Variants in ADGRB1 observed in about 807,000 individuals in gnomAD.
ADGRB1 encodes the protein adhesion G protein-coupled receptor B1.
ADGRB1 carries 36 observed loss-of-function variants against 175.7 expected under a neutral mutation model. The ratio of observed to expected loss-of-function variants is 0.20; its 90% CI spans 0.16 to 0.27. The LOEUF (loss-of-function observed/expected upper bound fraction) is 0.27, where lower values mean the gene tolerates loss of function less well. Among genes scored for constraint, ADGRB1 ranks in the 10% least tolerant of loss-of-function variants. The probability of loss-of-function intolerance (pLI) is 1.00; values close to 1 mark genes in which losing one functional copy is unlikely to be tolerated. For synonymous variants in ADGRB1, 1,054 were observed against 979.4 expected, an observed-to-expected ratio of 1.08 and a Z score of -1.42; for missense variants, 1,731 against 2,255.3, an observed-to-expected ratio of 0.77 and a Z score of 4.71.
At chr8:142,494,614 G>T (rs983200264) in intron 17 of ADGRB1, among the ~76,000 whole-genome samples, 8 of 151,844 alleles carry the variant, frequency 5.3e-5, no homozygotes, top group Non-Finnish European at 1.2e-4. Flanking sequence ...TTGCACCCAT[G>T]GGCTCAACAC....
intron 11 of ADGRB1, among the ~76,000 whole-genome samples, chr8:142,482,071 GC>G (rs1841373206): frequency 6.8e-6 from 1 of 147,714 alleles, no homozygotes; most frequent in African/African-American, 2.5e-5. Flanking sequence ...CACATGCTGA[GC>G]CCCAACCCTG....
At chr8:142,538,173 C>T (rs1409886941) in intron 26 of ADGRB1, among the ~76,000 whole-genome samples, 3 of 152,348 alleles carry the variant, frequency 2.0e-5, no homozygotes, top group Admixed American at 2.0e-4. Context: ...ACTCTTGCCC[C>T]ATGGTGCCAC....
In ADGRB1 at chr8:142,464,092, CTG is replaced by C; in HGVS notation, c.-106_-105del. 42 of 928,742 alleles carry C rather than the reference CTG, an allele frequency of 4.5e-5. No homozygotes were observed. The highest frequency in any genetic ancestry group is 7.9e-5 in the East Asian group (2 of 25,318). The allele number at this position is 928,742 out of a possible 1,614,324, so 57.5% of individuals were successfully genotyped here. A position where few individuals can be genotyped will look rare whatever the true frequency, so the allele number is the denominator to read the frequency against. ...CCCATCCCACCCTTGCCCCGCCTCC[CTG>C]CCCCCACCGGGCCGGCCCTGCCCGC... On this transcript the variant is annotated 5_prime_UTR_variant, in exon 2 of 31. Coordinates refer to ENST00000517894, the MANE Select transcript of ADGRB1 (RefSeq NM_001702.3).
intron 27 of ADGRB1, chr8:142,539,789 C>G (rs7462701): frequency 1.0e-5 from 3 of 298,666 alleles, no homozygotes; most frequent in South Asian, 5.8e-5. Flanking sequence ...CGCTCCCCCC[C>G]CCTGCCTCCT....
At chr8:142,469,158 T>TGC (rs1840445783) in intron 2 of ADGRB1, among the ~76,000 whole-genome samples, 1 of 5,374 alleles carries the variant, frequency 1.9e-4, no homozygotes, top group African/African-American at 4.2e-4. Flanking sequence ...CATGCGTGCA[T>TGC]GTGTGTGTGT....
chr8:142,544,108 C>T, intron 30 of ADGRB1, 112 bp from the exon 31 acceptor site: 2 of 1,181,330 alleles, frequency 1.7e-6, no homozygotes, highest in South Asian at 3.1e-5. Context: ...CCCCTGTCCC[C>T]CACCTCCCGT....
In ADGRB1 at chr8:142,526,536, C is replaced by T. The variant is rs754431097; in HGVS notation, c.3313-6C>T. 286 of 1,592,094 alleles carry T rather than the reference C, an allele frequency of 1.8e-4. 1 individual carries two copies. Among genetic ancestry groups the T allele is most frequent in the Non-Finnish European group, 2.4e-4 (277 of 1,169,506 alleles). ...CCCCACACCCCCACCACTCTCTGCC[C>T]GGCAGGTGAACATGGTCATTGGGAT... is the stretch of plus-strand genomic sequence containing the variant. On this transcript the variant is annotated splice_region_variant and splice_polypyrimidine_tract_variant and intron_variant, in intron 23 of 30. Coordinates refer to ENST00000517894, the MANE Select transcript of ADGRB1 (RefSeq NM_001702.3).
At chr8:142,491,357 T>G (rs1263404276) in intron 17 of ADGRB1, among the ~76,000 whole-genome samples, 1 of 152,118 alleles carries the variant, frequency 6.6e-6, no homozygotes, top group African/African-American at 2.4e-5. Context: ...TGGAGCAAGT[T>G]CCACGCCCCA....
At chr8:142,476,825 C>A in intron 4 of ADGRB1, 130 bp downstream of exon 4, 4 of 1,030,942 alleles carry the variant, frequency 3.9e-6, no homozygotes, top group Non-Finnish European at 5.5e-6. Flanking sequence ...AGGTGCAGGG[C>A]TCTTGTCTCC....
chr8:142,491,400 G>A (rs927084224), intron 17 of ADGRB1, among the ~76,000 whole-genome samples: 31 of 152,350 alleles, frequency 2.0e-4, no homozygotes, highest in African/African-American at 7.5e-4. Context: ...TCAGGCTGTG[G>A]GGTGCCATCT....
At chr8:142,527,470 C>G (rs1468544543) in intron 24 of ADGRB1, among the ~76,000 whole-genome samples, 2 of 152,130 alleles carry the variant, frequency 1.3e-5, no homozygotes, top group South Asian at 2.1e-4. Flanking sequence ...GGAAGCCTTC[C>G]CCTTGGGTGC....
Position 142,536,937 on chromosome 8 carries a change from G to A in ADGRB1, c.3571-50G>A, listed in dbSNP as rs182248217. 1.2e-3 allele frequency: 1,789 copies of A among 1,476,930 alleles called. 6 individuals carry two copies. The highest frequency in any genetic ancestry group is 0.01 in the Middle Eastern group (58 of 5,532). The allele number at this position is 1,476,930 out of a possible 1,614,324, so 91.5% of individuals were successfully genotyped here. A position where few individuals can be genotyped will look rare whatever the true frequency, so the allele number is the denominator to read the frequency against. ...GCTGCTCATCTGATCTGGCGCTGGC[G>A]CAGGGTGGGGGCGTGGCTGCCACTG... On this transcript the variant is annotated intron_variant, in intron 25 of 30. Transcript: ENST00000517894.
intron 2 of ADGRB1, among the ~76,000 whole-genome samples, chr8:142,468,025 G>C (rs889468610): frequency 6.6e-6 from 1 of 152,218 alleles, no homozygotes; most frequent in South Asian, 2.1e-4. Context: ...GTTTGGAGGT[G>C]GTGCTCAGAA....
intron 27 of ADGRB1, among the ~76,000 whole-genome samples, chr8:142,540,921 G>A (rs555389950): frequency 6.6e-6 from 1 of 152,220 alleles, no homozygotes; most frequent in South Asian, 2.1e-4. Flanking sequence ...AGGGGGACGG[G>A]GAAGCCTGTG....
chr8:142,465,128 C>G, intron 2 of ADGRB1, 146 bp downstream of exon 2: 1 of 989,428 alleles, frequency 1.0e-6, no homozygotes, highest in South Asian at 1.7e-5. Context: ...GGAGGTGGAC[C>G]GGGGTCTTCT....
chr8:142,487,959 C>A (rs574515351), intron 13 of ADGRB1, among the ~76,000 whole-genome samples: 1 of 152,194 alleles, frequency 6.6e-6, no homozygotes, highest in African/African-American at 2.4e-5. Context: ...CAGCTGGGCT[C>A]CCCTGTCCCA....
chr8:142,452,311 G>A (rs1015300124), intron 1 of ADGRB1, among the ~76,000 whole-genome samples: 3 of 152,206 alleles, frequency 2.0e-5, no homozygotes, highest in African/African-American at 4.8e-5. Flanking sequence ...GCGCTGGGGG[G>A]CTCGAGCCTG....
rs193005680 is a variant in ADGRB1 at position 142,515,564 on chromosome 8, G to A, written c.2818-2574G>A. ...GCAGGCGCGAGACGCTTACTCGGCC[G>A]CCTGTGACCTTTGTGGCCAGCCGGC... On this transcript the variant is annotated intron_variant, in intron 18 of 30. Coordinates refer to ENST00000517894, the MANE Select transcript of ADGRB1 (RefSeq NM_001702.3). 1.1e-3 allele frequency among the ~76,000 whole-genome samples: 167 copies of A among 152,360 alleles called. 1 individual carries two copies. The highest frequency in any genetic ancestry group is 3.7e-3 in the African/African-American group (153 of 41,580).
chr8:142,524,694 G>T (rs530019471), intron 23 of ADGRB1, among the ~76,000 whole-genome samples: 3 of 152,156 alleles, frequency 2.0e-5, no homozygotes, highest in Non-Finnish European at 4.4e-5. Flanking sequence ...GCCCCAGAGC[G>T]CCAGATGTGA....
Sources: allele counts gnomAD v4.1 joint callset (sites outside exome capture counted in the v4.1 genomes callset), GRCh38; gene constraint gnomAD v4.1.1; transcripts MANE v1.5; gene names NCBI Gene and HGNC (gene_info 2026-07-23, HGNC 2026-07-21).